CCDC171: variants seen among roughly 807,000 people sequenced by gnomAD.
CCDC171 encodes the protein coiled-coil domain-containing protein 171.
A neutral mutation model predicts 168.2 loss-of-function variants in CCDC171; 177 were observed. The observed-to-expected ratio is 1.05, with a 90% confidence interval of 0.93 to 1.19. The LOEUF is 1.19. CCDC171 is among the 50% of genes most tolerant of loss of function. The probability of loss-of-function intolerance (pLI) is 0.00; values close to 1 mark genes in which losing one functional copy is unlikely to be tolerated. For synonymous variants in CCDC171, 687 were observed against 540.8 expected (o/e 1.27, Z -3.75); for missense variants, 1,991 against 1,539.0 (o/e 1.29, Z -4.91).
chr9:15,924,100 A>G (rs976682817), intron 25 of CCDC171, among the ~76,000 whole-genome samples: 17 of 151,512 alleles, frequency 1.1e-4, no homozygotes, highest in African/African-American at 4.1e-4. Flanking sequence ...TAATATTTAT[A>G]TATTTCAAAG....
chr9:16,068,108 G>A, the CCDC171 span, among the ~76,000 whole-genome samples: 1 of 148,714 alleles, frequency 6.7e-6, no homozygotes, highest in African/African-American at 2.5e-5. Context: ...CTTCAGCAAA[G>A]TCTCAGGATA....
intron 22 of CCDC171, among the ~76,000 whole-genome samples, chr9:15,847,873 G>A (rs2060968001): frequency 6.6e-6 from 1 of 152,046 alleles, no homozygotes; most frequent in Non-Finnish European, 1.5e-5. Flanking sequence ...AGGCCAAAAT[G>A]TTGGCATGTT....
At chr9:15,891,853 T>C (rs1481615086) in intron 24 of CCDC171, among the ~76,000 whole-genome samples, 1 of 152,080 alleles carries the variant, frequency 6.6e-6, no homozygotes, top group African/African-American at 2.4e-5. Flanking sequence ...TTACCATTCC[T>C]AATTACAAGG....
At chr9:15,631,353 C>G (rs530099539) in intron 7 of CCDC171, among the ~76,000 whole-genome samples, 74 of 152,058 alleles carry the variant, frequency 4.9e-4, no homozygotes, top group Non-Finnish European at 6.5e-4. Context: ...ACCACCGATC[C>G]CACAGAAATA....
chr9:15,586,251 G>A (rs2041548194), intron 4 of CCDC171, among the ~76,000 whole-genome samples: 3 of 152,170 alleles, frequency 2.0e-5, no homozygotes, highest in African/African-American at 7.2e-5. Flanking sequence ...CAATCCTAGA[G>A]TCCAGGTTGT....
At chr9:15,883,937 T>G (rs1819043854) in intron 24 of CCDC171, among the ~76,000 whole-genome samples, 1 of 152,236 alleles carries the variant, frequency 6.6e-6, no homozygotes, top group Admixed American at 6.5e-5. Flanking sequence ...GTTATGCAAC[T>G]TTGCTAGAAA....
chr9:16,045,090 GCTT>G (rs1223096543), intron 1 of CCDC171, among the ~76,000 whole-genome samples: 1 of 152,186 alleles, frequency 6.6e-6, no homozygotes, highest in Admixed American at 6.5e-5. Flanking sequence ...GGTGGAGAGT[GCTT>G]CTTCTAGTGG....
At chr9:15,617,727 A>C (rs1369799170) in intron 6 of CCDC171, among the ~76,000 whole-genome samples, 1 of 151,904 alleles carries the variant, frequency 6.6e-6, no homozygotes, top group Admixed American at 6.6e-5. Context: ...TCTGTTTGTT[A>C]GTTTTTCTTC....
At chr9:15,559,398 T>G (rs1187845998) in intron 1 of CCDC171, among the ~76,000 whole-genome samples, 1 of 152,184 alleles carries the variant, frequency 6.6e-6, no homozygotes, top group Non-Finnish European at 1.5e-5. Context: ...AAGACTTGCT[T>G]TATGAATCTG....
At chr9:15,571,965 T>A (rs1320877257) in intron 3 of CCDC171, among the ~76,000 whole-genome samples, 1 of 152,206 alleles carries the variant, frequency 6.6e-6, no homozygotes, top group Non-Finnish European at 1.5e-5. Context: ...TGTTTATTTG[T>A]ATGTTATCTT....
At chr9:15,711,630 G>A (rs1486684772) in intron 11 of CCDC171, among the ~76,000 whole-genome samples, 3 of 152,194 alleles carry the variant, frequency 2.0e-5, no homozygotes, top group Non-Finnish European at 4.4e-5. Context: ...AACCACTATA[G>A]TATTTTTGAA....
At chr9:15,743,080 C>G (rs2054997753) in intron 16 of CCDC171, among the ~76,000 whole-genome samples, 1 of 150,658 alleles carries the variant, frequency 6.6e-6, no homozygotes, top group African/African-American at 2.5e-5. Flanking sequence ...TGCCTGGCCC[C>G]AATAAATGTT....
chr9:16,040,614 G>A (rs527638222), upstream of CCDC171, among the ~76,000 whole-genome samples: 18 of 152,348 alleles, frequency 1.2e-4, no homozygotes, highest in African/African-American at 4.1e-4. Context: ...AAGTGCAGGA[G>A]CTTGGATCTG....
chr9:15,843,112 G>A (rs2060752028), intron 21 of CCDC171, among the ~76,000 whole-genome samples: 1 of 151,924 alleles, frequency 6.6e-6, no homozygotes, highest in Non-Finnish European at 1.5e-5. Context: ...TTTCTTATAG[G>A]AGTAGTTAAG....
At chr9:16,036,414 GC>G (rs1833469524) in intron 8 of CCDC171, among the ~76,000 whole-genome samples, 1 of 152,216 alleles carries the variant, frequency 6.6e-6, no homozygotes, top group African/African-American at 2.4e-5. Flanking sequence ...GGAGGCCAAG[GC>G]AGGCGGATCT....
intron 3 of CCDC171, among the ~76,000 whole-genome samples, chr9:16,015,776 C>G (rs1832996789): frequency 6.6e-6 from 1 of 152,038 alleles, no homozygotes; most frequent in South Asian, 2.1e-4. Context: ...AACACTAACT[C>G]CTCCCTCTTC....
rs1196672414 is a variant in CCDC171 at position 15,931,434 on chromosome 9, GTCTTTCTT to G, written c.3753+11030_3753+11037del. On this transcript the variant is annotated intron_variant, in intron 25 of 25. Coordinates refer to ENST00000380701, the MANE Select transcript of CCDC171 (RefSeq NM_173550.4). The stretch of plus-strand genomic sequence containing the variant: ...GTCTTTTGCCTATTTTTAAATTGGG[GTCTTTCTT>G]TCTTTCTTTCTTTCTTTTTTTTTTT... Among the ~76,000 whole-genome samples, 9 of 120,630 alleles carry G rather than the reference GTCTTTCTT, an allele frequency of 7.5e-5. No individual in the cohort carries two copies. In the East Asian group the frequency reaches 1.0e-3, roughly 13 times the overall value. 79.1% of individuals were successfully genotyped at this position (120,630 alleles called of 152,430 possible).
At chr9:15,915,355 A>G (rs1824345806) in intron 24 of CCDC171, among the ~76,000 whole-genome samples, 1 of 92,568 alleles carries the variant, frequency 1.1e-5, no homozygotes, top group Non-Finnish European at 2.6e-5. Context: ...GGTTAAATAT[A>G]TTCCTAGTGT....
At chr9:15,562,104 C>G (rs1423426199) in intron 1 of CCDC171, among the ~76,000 whole-genome samples, 1 of 152,064 alleles carries the variant, frequency 6.6e-6, no homozygotes, top group Non-Finnish European at 1.5e-5. Context: ...AAGCGATTCT[C>G]CTATCTCAAC....
Sources: allele counts gnomAD v4.1 joint callset (sites outside exome capture counted in the v4.1 genomes callset), GRCh38; gene constraint gnomAD v4.1.1; transcripts MANE v1.5; gene names NCBI Gene and HGNC (gene_info 2026-07-23, HGNC 2026-07-21).